The following CSGALNACT1 variants were observed in gnomAD, a reference collection of about 807,000 sequenced individuals.
CSGALNACT1 encodes the protein chondroitin sulfate N-acetylgalactosaminyltransferase 1, also known as beta4GalNAcT-1.
A neutral mutation model predicts 51.0 loss-of-function variants in CSGALNACT1; 52 were observed. That is an observed-to-expected ratio of 1.02 (90% confidence interval 0.82 to 1.29). The LOEUF (loss-of-function observed/expected upper bound fraction) is 1.29, where lower values mean the gene tolerates loss of function less well. CSGALNACT1 is among the 50% of genes most tolerant of loss of function. The pLI is 0.00. For synonymous variants in CSGALNACT1, 341 were observed against 254.4 expected (o/e 1.34, Z -3.24); for missense variants, 935 against 679.2 (o/e 1.38, Z -4.19).
At chr8:19,673,391 C>T (rs753302224) in intron 1 of CSGALNACT1, among the ~76,000 whole-genome samples, 10 of 152,170 alleles carry the variant, frequency 6.6e-5, no homozygotes, top group South Asian at 2.1e-4. Context: ...TAGATGCATG[C>T]GACAGCTCTT....
At chr8:19,548,112 A>T (rs991138955) in intron 3 of CSGALNACT1, among the ~76,000 whole-genome samples, 2 of 152,266 alleles carry the variant, frequency 1.3e-5, no homozygotes, top group African/African-American at 4.8e-5. Flanking sequence ...GTTTCAACTA[A>T]ATATTGAATT....
chr8:19,469,616 T>C (rs2067618833), intron 4 of CSGALNACT1, among the ~76,000 whole-genome samples: 2 of 152,140 alleles, frequency 1.3e-5, no homozygotes, highest in South Asian at 4.1e-4. Flanking sequence ...GCCCTTTCTT[T>C]CTGCTCTGTC....
chr8:19,450,714 T>C (rs2063026681), intron 5 of CSGALNACT1, among the ~76,000 whole-genome samples: 1 of 151,964 alleles, frequency 6.6e-6, no homozygotes, highest in Admixed American at 6.6e-5. Flanking sequence ...GTCAGGAGTT[T>C]GAAACCAGCC....
intron 3 of CSGALNACT1, among the ~76,000 whole-genome samples, chr8:19,586,806 A>G (rs1037691140): frequency 6.6e-6 from 1 of 152,192 alleles, no homozygotes; most frequent in Admixed American, 6.5e-5. Context: ...AAACAAAACA[A>G]GTCTTTACTT....
exon 10 of CSGALNACT1, chr8:19,405,429 T>C: frequency 2.1e-6 from 1 of 478,334 alleles, no homozygotes; most frequent in Non-Finnish European, 4.1e-6. Flanking sequence ...AATGAATTTT[T>C]TACAAAACTG....
intron 1 of CSGALNACT1, among the ~76,000 whole-genome samples, chr8:19,676,059 C>G (rs2060154501): frequency 7.3e-6 from 1 of 136,434 alleles, no homozygotes; most frequent in South Asian, 2.4e-4. Context: ...TGAACCTAAC[C>G]ACGATGGATG....
intron 1 of CSGALNACT1, among the ~76,000 whole-genome samples, chr8:19,617,547 C>G (rs1156513069): frequency 6.6e-6 from 1 of 152,110 alleles, no homozygotes; most frequent in African/African-American, 2.4e-5. Context: ...AAACACAAAA[C>G]ACAGTTCAAT....
chr8:19,596,937 A>G (rs1369027037), intron 2 of CSGALNACT1, among the ~76,000 whole-genome samples: 1 of 152,202 alleles, frequency 6.6e-6, no homozygotes, highest in South Asian at 2.1e-4. Flanking sequence ...TTATGCAACC[A>G]AACTCCACAT....
chr8:19,465,218 T>C (rs2066402083), intron 4 of CSGALNACT1, among the ~76,000 whole-genome samples: 1 of 152,162 alleles, frequency 6.6e-6, no homozygotes, highest in African/African-American at 2.4e-5. Flanking sequence ...CGTGCAGACA[T>C]TATGCTAAGT....
intron 5 of CSGALNACT1, among the ~76,000 whole-genome samples, chr8:19,454,044 G>C (rs185219196): frequency 6.6e-6 from 1 of 152,198 alleles, no homozygotes; most frequent in Non-Finnish European, 1.5e-5. Flanking sequence ...AGCCGTTTAC[G>C]AGAGAGACAA....
At chr8:19,574,367 T>A (rs147075835) in intron 3 of CSGALNACT1, among the ~76,000 whole-genome samples, 1 of 152,220 alleles carries the variant, frequency 6.6e-6, no homozygotes, top group Non-Finnish European at 1.5e-5. Context: ...CACAGCCTCT[T>A]GGAATCTGCC....
At chr8:19,450,286 GGAGGAGAAGGA>G in intron 5 of CSGALNACT1, among the ~76,000 whole-genome samples, 1 of 145,632 alleles carries the variant, frequency 6.9e-6, no homozygotes, top group African/African-American at 2.6e-5. Flanking sequence ...AGGAGAGGGA[GGAGGAGAAGGA>G]GGAGGAGGAA....
At chr8:19,521,401 G>A (rs1457265955) in intron 3 of CSGALNACT1, among the ~76,000 whole-genome samples, 1 of 152,198 alleles carries the variant, frequency 6.6e-6, no homozygotes, top group Non-Finnish European at 1.5e-5. Context: ...AGGGCCCAGG[G>A]GGCCGGCACG....
intron 1 of CSGALNACT1, among the ~76,000 whole-genome samples, chr8:19,752,007 T>A (rs1311845150): frequency 2.0e-5 from 3 of 149,836 alleles, no homozygotes; most frequent in Non-Finnish European, 4.4e-5. Flanking sequence ...ATAACATTTT[T>A]AAAAATTGTC....
At chr8:19,442,605 T>A (rs4294197) in intron 5 of CSGALNACT1, among the ~76,000 whole-genome samples, 1 of 147,374 alleles carries the variant, frequency 6.8e-6, no homozygotes, top group African/African-American at 2.5e-5. Context: ...AGCATTAGGA[T>A]ATATGCCTAA....
intron 3 of CSGALNACT1, among the ~76,000 whole-genome samples, chr8:19,582,150 G>A (rs1032027597): frequency 3.3e-5 from 5 of 152,098 alleles, no homozygotes; most frequent in African/African-American, 7.2e-5. Flanking sequence ...TTCTCAGGAG[G>A]GCCGTGGCTA....
At chr8:19,703,921 A>G (rs2062014086) in intron 1 of CSGALNACT1, among the ~76,000 whole-genome samples, 1 of 152,194 alleles carries the variant, frequency 6.6e-6, no homozygotes, top group African/African-American at 2.4e-5. Context: ...CCTCTTACAT[A>G]GTACGGGTGC....
At chr8:19,664,183 G>T (rs1189802546) in intron 1 of CSGALNACT1, among the ~76,000 whole-genome samples, 1 of 152,140 alleles carries the variant, frequency 6.6e-6, no homozygotes, top group African/African-American at 2.4e-5. Flanking sequence ...TATGTTGAAC[G>T]TGTTTTTCAA....
chr8:19,630,381 G>A (rs2055081282), intron 1 of CSGALNACT1, among the ~76,000 whole-genome samples: 1 of 152,024 alleles, frequency 6.6e-6, no homozygotes, highest in African/African-American at 2.4e-5. Context: ...GAGAGAAAAA[G>A]TACAGAGTTC....
Sources: gnomAD v4.1 joint callset for allele counts (sites outside exome capture counted in the v4.1 genomes callset) on GRCh38, gnomAD v4.1.1 for gene constraint, MANE v1.5 for transcripts, NCBI Gene and HGNC (gene_info 2026-07-23, HGNC 2026-07-21) for gene names.